Variants in GSG1L observed in about 807,000 individuals in gnomAD.
GSG1L encodes GSG1 like.
Under a neutral mutation model 42.1 loss-of-function variants are expected in GSG1L, and 24 were observed. That is an observed-to-expected ratio of 0.57 (90% CI 0.41 to 0.80). The LOEUF is 0.80. Ranked by LOEUF, GSG1L falls within the 30% of genes least tolerant of loss-of-function variation. The probability of loss-of-function intolerance (pLI) is 0.00; values close to 1 mark genes in which losing one functional copy is unlikely to be tolerated. For synonymous variants in GSG1L, 215 were observed against 203.5 expected (o/e 1.06, Z -0.48); for missense variants, 445 against 472.2 (o/e 0.94, Z 0.53).
intron 2 of GSG1L, among the ~76,000 whole-genome samples, chr16:27,946,148 T>C (rs1567529463): frequency 6.6e-6 from 1 of 152,332 alleles, no homozygotes; most frequent in East Asian, 1.9e-4. Context: ...TACGTCACTT[T>C]GCTGTGTGAC....
chr16:27,914,284 G>A (rs1226236905), intron 2 of GSG1L, among the ~76,000 whole-genome samples: 1 of 152,048 alleles, frequency 6.6e-6, no homozygotes, highest in African/African-American at 2.4e-5. Context: ...CAAAAAGACT[G>A]GAAACAATAT....
intron 5 of GSG1L, among the ~76,000 whole-genome samples, chr16:27,808,782 T>C (rs941784767): frequency 6.6e-6 from 1 of 152,196 alleles, no homozygotes; most frequent in African/African-American, 2.4e-5. Flanking sequence ...AGCTTCTCAG[T>C]GTGGTTTCTC....
At chr16:27,864,147 A>T (rs942075601) in intron 3 of GSG1L, among the ~76,000 whole-genome samples, 17 of 152,280 alleles carry the variant, frequency 1.1e-4, no homozygotes, top group African/African-American at 3.9e-4. Context: ...GTTGCCACAA[A>T]CATCCTAGAA....
chr16:28,050,648 T>C (rs1262541793), intron 1 of GSG1L, among the ~76,000 whole-genome samples: 1 of 152,226 alleles, frequency 6.6e-6, no homozygotes. Context: ...CTCAAAATTC[T>C]ACTCCATCAC....
chr16:27,966,018 T>C (rs2085128307), intron 1 of GSG1L, among the ~76,000 whole-genome samples: 1 of 152,100 alleles, frequency 6.6e-6, no homozygotes, highest in Non-Finnish European at 1.5e-5. Flanking sequence ...GTCATTTTGG[T>C]CTCCTTGCCA....
chr16:27,972,324 T>C (rs1029393621), intron 1 of GSG1L, among the ~76,000 whole-genome samples: 1 of 152,252 alleles, frequency 6.6e-6, no homozygotes, highest in African/African-American at 2.4e-5. Context: ...GAACACAGGA[T>C]ACTTCAATGG....
chr16:28,036,248 G>C (rs765316381), intron 1 of GSG1L, among the ~76,000 whole-genome samples: 4 of 152,146 alleles, frequency 2.6e-5, no homozygotes, highest in African/African-American at 9.7e-5. Context: ...CCTGTGTCAG[G>C]AAACTCACTA....
At chr16:27,904,546 C>T (rs2141045529) in intron 2 of GSG1L, among the ~76,000 whole-genome samples, 1 of 152,196 alleles carries the variant, frequency 6.6e-6, no homozygotes, top group East Asian at 1.9e-4. Context: ...TCGAATCTCC[C>T]CTCCATAAAT....
At chr16:28,022,653 T>C (rs922869500) in intron 1 of GSG1L, among the ~76,000 whole-genome samples, 2 of 151,972 alleles carry the variant, frequency 1.3e-5, no homozygotes, top group African/African-American at 2.4e-5. Flanking sequence ...TGTATTTTTC[T>C]TTTTTTGTTT....
At chr16:27,932,109 G>A (rs1985879) in intron 2 of GSG1L, among the ~76,000 whole-genome samples, 5,153 of 152,226 alleles carry the variant, frequency 0.034, 306 homozygotes, top group African/African-American at 0.12. Context: ...CTGGAGTGCA[G>A]TGGCATGATC....
intron 6 of GSG1L, among the ~76,000 whole-genome samples, chr16:27,797,472 G>A (rs1038496804): frequency 4.0e-5 from 6 of 148,626 alleles, no homozygotes; most frequent in Non-Finnish European, 7.4e-5. Context: ...GCAGTGAGCC[G>A]AGATTGCACC....
intron 2 of GSG1L, among the ~76,000 whole-genome samples, chr16:27,904,505 A>G (rs1687573143): frequency 6.6e-6 from 1 of 151,964 alleles, no homozygotes; most frequent in East Asian, 1.9e-4. Context: ...ATGACCATTC[A>G]GCAGCCAAAA....
chr16:28,040,731 G>A lies in GSG1L; in HGVS notation c.349+22345C>T, dbSNP rs1446134748. Among the ~76,000 whole-genome samples, 1 of 152,218 alleles carries A rather than the reference G, an allele frequency of 6.6e-6. No homozygotes were observed. The highest frequency in any genetic ancestry group is 1.5e-5 in the Non-Finnish European group (1 of 68,038). On this transcript the variant is annotated intron_variant, in intron 1 of 6. Transcript: ENST00000447459. The surrounding 1 kb of genome is among the most constrained non-coding windows in gnomAD (Gnocchi z 4.1). ...CCCTCTGGGCTTGCAGGCAGGTGGGGGAACTTGCAGGTGGCTCTGGAGCCC... is the reference window on the plus strand; with the variant it reads ...CCCTCTGGGCTTGCAGGCAGGTGGGAGAACTTGCAGGTGGCTCTGGAGCCC...
intron 3 of GSG1L, among the ~76,000 whole-genome samples, chr16:27,852,907 G>A (rs1028675844): frequency 6.6e-6 from 1 of 151,996 alleles, no homozygotes; most frequent in African/African-American, 2.4e-5. Context: ...AGATGCTGGA[G>A]GCATGGAGCC....
chr16:28,054,339 C>G (rs1206157403), intron 1 of GSG1L, among the ~76,000 whole-genome samples: 1 of 152,218 alleles, frequency 6.6e-6, no homozygotes, highest in Non-Finnish European at 1.5e-5. Flanking sequence ...TCCAGGCAAG[C>G]TTGGGGCCAA....
intron 3 of GSG1L, among the ~76,000 whole-genome samples, chr16:27,867,143 T>A (rs2083738165): frequency 6.6e-6 from 1 of 152,150 alleles, no homozygotes; most frequent in Non-Finnish European, 1.5e-5. Flanking sequence ...ATCACCCAGA[T>A]AGACCAAGTC....
chr16:28,017,376 G>T (rs150083619), intron 1 of GSG1L, among the ~76,000 whole-genome samples: 141 of 152,342 alleles, frequency 9.3e-4, no homozygotes, highest in African/African-American at 3.0e-3. Flanking sequence ...ACTGTGTGAG[G>T]ATAAGTAGGT....
At chr16:28,000,194 G>A (rs2009851) in intron 1 of GSG1L, among the ~76,000 whole-genome samples, 59,175 of 152,184 alleles carry the variant, frequency 0.39, 13,739 homozygotes, top group East Asian at 0.69. Context: ...ACAGCGGGGC[G>A]CAGTGGCTCA....
chr16:27,845,686 C>A (rs1004634266), intron 3 of GSG1L, among the ~76,000 whole-genome samples: 3 of 152,028 alleles, frequency 2.0e-5, no homozygotes, highest in Non-Finnish European at 4.4e-5. Flanking sequence ...GAATGGGGAC[C>A]CCAAAAGCCT....
Sources: gnomAD v4.1 joint callset for allele counts (sites outside exome capture counted in the v4.1 genomes callset) on GRCh38, gnomAD v4.1.1 for gene constraint, Gnocchi (gnomAD v3.1) non-coding constraint, MANE v1.5 for transcripts, NCBI Gene and HGNC (gene_info 2026-07-23, HGNC 2026-07-21) for gene names.